SNTG1: variants seen among roughly 807,000 people sequenced by gnomAD.
The protein encoded by SNTG1 is gamma-1-syntrophin.
A neutral mutation model predicts 74.7 loss-of-function variants in SNTG1; 39 were observed. The ratio of observed to expected loss-of-function variants is 0.52; its 90% confidence interval spans 0.40 to 0.68. SNTG1 has a LOEUF of 0.68. Ranked by LOEUF, SNTG1 falls within the 30% of genes least tolerant of loss-of-function variation. The pLI, the probability that SNTG1 is intolerant of heterozygous loss-of-function variation, is 0.00. For synonymous variants in SNTG1, 254 were observed against 217.1 expected (o/e 1.17, Z -1.49); for missense variants, 685 against 609.5 (o/e 1.12, Z -1.30).
intron 2 of SNTG1, among the ~76,000 whole-genome samples, chr8:50,371,499 G>T (rs1338696929): frequency 6.6e-6 from 1 of 152,148 alleles, no homozygotes; most frequent in Non-Finnish European, 1.5e-5. Flanking sequence ...GTGTGCAGAT[G>T]ATTCTGATGT....
chr8:50,461,777 A>G (rs2093565174), intron 8 of SNTG1, among the ~76,000 whole-genome samples: 1 of 152,060 alleles, frequency 6.6e-6, no homozygotes, highest in Non-Finnish European at 1.5e-5. Flanking sequence ...GCACTAACAT[A>G]CTTTTCAGGC....
At chr8:50,389,920 T>C (rs1563320886) in intron 2 of SNTG1, among the ~76,000 whole-genome samples, 1 of 152,232 alleles carries the variant, frequency 6.6e-6, no homozygotes, top group Admixed American at 6.5e-5. Context: ...CGCCCACTTG[T>C]TGATGGGGTT....
intron 10 of SNTG1, among the ~76,000 whole-genome samples, chr8:50,534,286 C>T (rs1013965437): frequency 1.3e-5 from 2 of 151,984 alleles, no homozygotes; most frequent in Non-Finnish European, 2.9e-5. Flanking sequence ...CGTGTGTGTG[C>T]ACTGGGGTTC....
chr8:49,982,001 A>G (rs1353988348), intron 1 of SNTG1, among the ~76,000 whole-genome samples: 1 of 152,186 alleles, frequency 6.6e-6, no homozygotes, highest in Non-Finnish European at 1.5e-5. Flanking sequence ...TAACTAATAG[A>G]TAATAAAATC....
chr8:50,027,377 C>T (rs947005273), intron 1 of SNTG1, among the ~76,000 whole-genome samples: 2 of 152,134 alleles, frequency 1.3e-5, no homozygotes, highest in African/African-American at 2.4e-5. Context: ...TCCATCTGTA[C>T]TGCGTTGAAC....
At chr8:49,973,322 A>T (rs1421390293) in intron 1 of SNTG1, among the ~76,000 whole-genome samples, 11 of 147,884 alleles carry the variant, frequency 7.4e-5, no homozygotes, top group Non-Finnish European at 1.3e-4. Context: ...ATGAGAACAC[A>T]TGGAGACAGG....
chr8:50,682,708 T>C (rs2095336100), intron 15 of SNTG1, among the ~76,000 whole-genome samples: 1 of 152,040 alleles, frequency 6.6e-6, no homozygotes, highest in Non-Finnish European at 1.5e-5. Flanking sequence ...CCAAGTAAAA[T>C]ACAAAGTTCT....
intron 9 of SNTG1, among the ~76,000 whole-genome samples, chr8:50,504,783 T>G (rs1171662345): frequency 6.6e-6 from 1 of 152,068 alleles, no homozygotes; most frequent in Non-Finnish European, 1.5e-5. Flanking sequence ...AAATAAATAA[T>G]TAATTAAAAT....
At chr8:50,342,457 A>C (rs547806082) in intron 2 of SNTG1, among the ~76,000 whole-genome samples, 1 of 152,320 alleles carries the variant, frequency 6.6e-6, no homozygotes, top group South Asian at 2.1e-4. Flanking sequence ...TACTCTTTGC[A>C]TTGCAAAAAT....
intron 1 of SNTG1, among the ~76,000 whole-genome samples, chr8:49,975,035 G>T (rs138307503): frequency 6.6e-6 from 1 of 152,100 alleles, no homozygotes; most frequent in East Asian, 1.9e-4. Context: ...GTCCAGGAAA[G>T]GTTCTCTGAG....
intron 17 of SNTG1, among the ~76,000 whole-genome samples, chr8:50,746,131 A>C (rs1295676231): frequency 6.6e-6 from 1 of 152,016 alleles, no homozygotes; most frequent in Admixed American, 6.6e-5. Flanking sequence ...ATAAGGAATT[A>C]TAGATAATGT....
intron 4 of SNTG1, among the ~76,000 whole-genome samples, chr8:50,409,474 C>T (rs746718755): frequency 2.0e-5 from 3 of 152,140 alleles, no homozygotes; most frequent in Admixed American, 6.5e-5. Flanking sequence ...AGTATCAAAA[C>T]GTAGGCAGCA....
intron 1 of SNTG1, among the ~76,000 whole-genome samples, chr8:50,169,922 C>T (rs1034562133): frequency 2.0e-5 from 3 of 152,096 alleles, no homozygotes; most frequent in Non-Finnish European, 4.4e-5. Flanking sequence ...GCACTCTAGT[C>T]TTGATGACAG....
intron 1 of SNTG1, among the ~76,000 whole-genome samples, chr8:50,102,457 T>G (rs1213732923): frequency 1.4e-5 from 2 of 147,122 alleles, no homozygotes; most frequent in African/African-American, 5.1e-5. Context: ...TTCTGGATAT[T>G]AGCCCTTTGT....
intron 15 of SNTG1, among the ~76,000 whole-genome samples, chr8:50,696,419 G>A (rs940184536): frequency 2.0e-5 from 3 of 151,940 alleles, no homozygotes; most frequent in African/African-American, 7.2e-5. Flanking sequence ...TTCTTAGGTT[G>A]TATATTTACT....
chr8:50,077,909 G>T (rs1586171167), intron 1 of SNTG1, among the ~76,000 whole-genome samples: 1 of 152,226 alleles, frequency 6.6e-6, no homozygotes, highest in Admixed American at 6.5e-5. Context: ...TGATTAAATT[G>T]AGTTGGTATT....
At chr8:50,436,453 G>A (rs936631049) in intron 4 of SNTG1, among the ~76,000 whole-genome samples, 12 of 152,152 alleles carry the variant, frequency 7.9e-5, no homozygotes, top group Non-Finnish European at 1.6e-4. Context: ...GATTGTGTGT[G>A]TGTGCGTGCA....
intron 2 of SNTG1, among the ~76,000 whole-genome samples, chr8:50,235,507 T>C (rs2085843494): frequency 6.6e-6 from 1 of 152,110 alleles, no homozygotes; most frequent in Non-Finnish European, 1.5e-5. Flanking sequence ...AATTATGACA[T>C]AAAAACAACA....
Position 50,438,569 on chromosome 8 carries a change from A to T in SNTG1, c.189A>T (p.Gln63His). 6.2e-7 allele frequency: 1 copy of T among 1,613,398 alleles called. No homozygotes were observed. Among genetic ancestry groups the T allele is most frequent in the South Asian group, 1.1e-5 (1 of 91,062 alleles). The change falls in exon 5 of 19, where the codon CAA becomes CAT. Residue 63 changes from glutamine to histidine, a missense_variant. Transcript: ENST00000642720. ...AAAGAACGGTGACCATCAGAAGACA[A>T]ACAGTAGGAGGATTTGGATTAAGCA... ...SGERTVTIRR[Q>H]TVGGFGLSIK...
Sources: gnomAD v4.1 joint callset for allele counts (sites outside exome capture counted in the v4.1 genomes callset) on GRCh38, gnomAD v4.1.1 for gene constraint, MANE v1.5 for transcripts, NCBI Gene and HGNC (gene_info 2026-07-23, HGNC 2026-07-21) for gene names.